STYK1: variants seen among roughly 807,000 people sequenced by gnomAD.
The protein encoded by STYK1 is tyrosine-protein kinase STYK1.
Under a neutral mutation model 48.1 loss-of-function variants are expected in STYK1, and 46 were observed. The ratio of observed to expected loss-of-function variants is 0.96; its 90% CI spans 0.75 to 1.22. The LOEUF is 1.22. Ranked by LOEUF, STYK1 falls within the 50% of genes most tolerant of loss-of-function variation. STYK1 has a pLI of 0.00. For missense variants in STYK1, 527 were observed against 521.1 expected, an observed-to-expected ratio of 1.01 and a Z score of -0.11; for synonymous variants, 188 against 189.0, an observed-to-expected ratio of 0.99 and a Z score of 0.04.
chr12:10,654,618 T>A (rs1947698481), intron 1 of STYK1, among the ~76,000 whole-genome samples: 1 of 151,686 alleles, frequency 6.6e-6, no homozygotes, highest in Non-Finnish European at 1.5e-5. Flanking sequence ...CTTAGGAGAG[T>A]CTCTCCTAAG....
At chr12:10,620,393 G>A (rs2120580116) in intron 10 of STYK1, 45 bp from the exon 11 acceptor site, 1 of 1,576,090 alleles carries the variant, frequency 6.3e-7, no homozygotes, top group Non-Finnish European at 8.7e-7. Flanking sequence ...CAAGGCAAAT[G>A]TATGGGGAGC....
intron 1 of STYK1, among the ~76,000 whole-genome samples, chr12:10,670,047 C>T (rs576113647): frequency 6.6e-6 from 1 of 152,228 alleles, no homozygotes; most frequent in East Asian, 1.9e-4. Context: ...ATTAGTACAA[C>T]CGTTAGGGAA....
At chr12:10,656,399 G>T (rs1419906641) in intron 1 of STYK1, among the ~76,000 whole-genome samples, 1 of 152,182 alleles carries the variant, frequency 6.6e-6, no homozygotes, top group Non-Finnish European at 1.5e-5. Context: ...GGCTGAGGCA[G>T]GTGGATCACG....
rs141538047 is a variant in STYK1 at position 10,661,429 on chromosome 12, C to G, written c.-195+12537G>C. Among the ~76,000 whole-genome samples the G allele has an allele frequency of 2.7e-3, 412 of 152,306 alleles. 2 individuals carry two copies. Among genetic ancestry groups the G allele is most frequent in the African/African-American group, 9.4e-3 (389 of 41,568 alleles). On this transcript the variant is annotated intron_variant, in intron 1 of 10. Coordinates refer to ENST00000075503, the MANE Select transcript of STYK1 (RefSeq NM_018423.3). ...ACTCTTCACACATCTGCATGGAGCA[C>G]AGTCCAGCCAATAAACCAAGTGAAG...
Position 10,634,611 on chromosome 12 carries a change from A to T in STYK1, c.8T>A (p.Met3Lys). The T allele has an allele frequency of 2.5e-6, 4 of 1,614,202 alleles. No individual in the cohort carries two copies. MG[M>K]TRMLLECSLS... ...ACTGCATTCCAGGAGCATCCGTGTC[A>T]TGCCCATTGCCACAGGGCTGTCCCC... Residue 3 changes from methionine (M) to lysine (K), a missense_variant, in exon 3 of 11, where the codon ATG (methionine) becomes AAG (lysine). Transcript: ENST00000075503.
chr12:10,646,580 AT>A (rs1443453794), intron 1 of STYK1, among the ~76,000 whole-genome samples: 7 of 152,368 alleles, frequency 4.6e-5, no homozygotes, highest in African/African-American at 1.7e-4. Context: ...ATGTGATAGA[AT>A]AGAAAATCCC....
chr12:10,626,307 C>T (rs1235290494), intron 7 of STYK1, among the ~76,000 whole-genome samples: 2 of 152,170 alleles, frequency 1.3e-5, no homozygotes, highest in Admixed American at 6.5e-5. Context: ...TCTGCAATTG[C>T]GGTTCTGAAT....
intron 1 of STYK1, among the ~76,000 whole-genome samples, chr12:10,649,471 AT>A (rs906425211): frequency 3.9e-5 from 6 of 152,228 alleles, no homozygotes; most frequent in African/African-American, 1.4e-4. Context: ...AAAAAGGCAC[AT>A]TTTAATGAGG....
intron 10 of STYK1, among the ~76,000 whole-genome samples, chr12:10,620,975 C>T (rs989206782): frequency 3.3e-5 from 5 of 152,098 alleles, no homozygotes; most frequent in African/African-American, 1.2e-4. Context: ...TACCTAGCTC[C>T]ATCACTATAT....
intron 6 of STYK1, among the ~76,000 whole-genome samples, chr12:10,628,774 A>G (rs1947387792): frequency 6.6e-6 from 1 of 152,348 alleles, no homozygotes; most frequent in East Asian, 1.9e-4. Context: ...AATTTTAAAA[A>G]ACGTGAGTTT....
intron 2 of STYK1, 109 bp from the exon 3 acceptor site, chr12:10,634,795 A>C: frequency 1.6e-6 from 1 of 641,464 alleles, no homozygotes; most frequent in Admixed American, 2.8e-5. Flanking sequence ...GTAAATGGCT[A>C]CCTCTCTGAG....
At chr12:10,624,507 A>G in intron 8 of STYK1, 144 bp downstream of exon 8, 1 of 744,890 alleles carries the variant, frequency 1.3e-6, no homozygotes, top group Non-Finnish European at 2.3e-6. Flanking sequence ...GAACTCTGTC[A>G]CATAACATTT....
rs1386141240 is a variant in STYK1, at chr12:10,672,602, G to A, written c.-195+1364C>T. ...TGCTCATGTGAGGGATATAGGTTGCGAACTCCTTATGAGACTCTAATGCCT... is the reference window on the plus strand; with the variant it reads ...TGCTCATGTGAGGGATATAGGTTGCAAACTCCTTATGAGACTCTAATGCCT... On this transcript the variant is annotated intron_variant, in intron 1 of 10. Transcript: ENST00000075503. The surrounding 1 kb of genome is among the most constrained non-coding windows in gnomAD (Gnocchi z 4.0). 2.0e-5 allele frequency among the ~76,000 whole-genome samples: 3 copies of A among 152,182 alleles called. No individual in the cohort carries two copies. Among genetic ancestry groups the A allele is most frequent in the East Asian group, 3.9e-4 (2 of 5,174 alleles).
chr12:10,640,080 G>A (rs920945352), intron 1 of STYK1, among the ~76,000 whole-genome samples: 4 of 152,154 alleles, frequency 2.6e-5, no homozygotes, highest in African/African-American at 9.7e-5. Context: ...ACCAGATTAT[G>A]TCATCTTGGG....
intron 1 of STYK1, among the ~76,000 whole-genome samples, chr12:10,647,400 T>C (rs1482701697): frequency 2.0e-5 from 3 of 152,272 alleles, no homozygotes; most frequent in Non-Finnish European, 4.4e-5. Context: ...GTATGGGGCC[T>C]GTATCCCCTT....
At position 10,631,280 on chromosome 12, in the gene STYK1, G is replaced by C. The variant is rs544976107; in HGVS notation, c.216C>G (p.Asp72Glu). The change falls in exon 5 of 11, where the codon GAC becomes GAG. Residue 72 changes from aspartate (D) to glutamate (E), a missense_variant. Coordinates refer to ENST00000075503, the MANE Select transcript of STYK1 (RefSeq NM_018423.3). The part of the protein sequence containing the change: ...QGIAPVPPPR[D>E]LSWEAGHGGN... Reference sequence around the variant, plus strand: ...CTCCATGTCCTGCTTCCCAGCTTAGGTCCCTAGGTGGAGGAACAGGGGCAA... The same window carrying C: ...CTCCATGTCCTGCTTCCCAGCTTAGCTCCCTAGGTGGAGGAACAGGGGCAA... The C allele has an allele frequency of 1.2e-6, 2 of 1,614,178 alleles. No homozygotes were observed. Among genetic ancestry groups the C allele is most frequent in the Non-Finnish European group, 1.7e-6 (2 of 1,180,026 alleles).
In STYK1 at chr12:10,624,862, G is replaced by A. The variant is rs1947338946; in HGVS notation, c.718-3C>T. Reference sequence around the variant, plus strand: ...AAATGCTTCTCCTGCAGGAATTCCTGTCAAGATAAAATCAAATATGATCAG... The same window carrying A: ...AAATGCTTCTCCTGCAGGAATTCCTATCAAGATAAAATCAAATATGATCAG... On this transcript the variant is annotated splice_region_variant and splice_polypyrimidine_tract_variant and intron_variant, in intron 7 of 10. Coordinates refer to ENST00000075503, the MANE Select transcript of STYK1 (RefSeq NM_018423.3). 6 of 1,613,580 alleles carry A rather than the reference G, an allele frequency of 3.7e-6. No individual in the cohort carries two copies. The South Asian group carries it at 5.5e-5, about 15-fold the overall frequency.
At chr12:10,669,370 G>A (rs1947868878) in intron 1 of STYK1, among the ~76,000 whole-genome samples, 1 of 151,958 alleles carries the variant, frequency 6.6e-6, no homozygotes, top group African/African-American at 2.4e-5. Flanking sequence ...TTTTTCTTCA[G>A]AAAAAAGATT....
At chr12:10,655,588 A>G (rs1947709475) in intron 1 of STYK1, among the ~76,000 whole-genome samples, 1 of 152,164 alleles carries the variant, frequency 6.6e-6, no homozygotes, top group Non-Finnish European at 1.5e-5. Flanking sequence ...CCCTCCCCCC[A>G]TGAACAACTT....
Sources: gnomAD v4.1 joint callset for allele counts (sites outside exome capture counted in the v4.1 genomes callset) on GRCh38, gnomAD v4.1.1 for gene constraint, Gnocchi (gnomAD v3.1) non-coding constraint, MANE v1.5 for transcripts, NCBI Gene and HGNC (gene_info 2026-07-23, HGNC 2026-07-21) for gene names.